The following BCL11A variants were observed in gnomAD, a reference collection of about 807,000 sequenced individuals.
The protein encoded by BCL11A is BCL11 transcription factor A, also known as B cell CLL/lymphoma 11A.
A neutral mutation model predicts 55.9 loss-of-function variants in BCL11A; 2 were observed. That is an observed-to-expected ratio of 0.04 (90% CI 0.01 to 0.11). The LOEUF (loss-of-function observed/expected upper bound fraction) is 0.11. Ranked by LOEUF, BCL11A falls within the 10% of genes least tolerant of loss-of-function variation. The pLI is 1.00. For missense variants in BCL11A, 817 were observed against 1,137.1 expected (o/e 0.72, Z 4.05); for synonymous variants, 465 against 473.4 (o/e 0.98, Z 0.23).
At chr2:60,453,521 C>T (rs994830223), downstream of BCL11A, among the ~76,000 whole-genome samples, 1 of 152,194 alleles carries the variant, frequency 6.6e-6, no homozygotes, top group African/African-American at 2.4e-5. Context: ...GCTGCTCTCA[C>T]GCATCCCACC....
At chr2:60,481,365 CA>C (rs1677947937) in intron 2 of BCL11A, among the ~76,000 whole-genome samples, 2 of 151,152 alleles carry the variant, frequency 1.3e-5, no homozygotes, top group African/African-American at 4.9e-5. Flanking sequence ...ATTCAGAACC[CA>C]GGGCCTTCTC....
intron 2 of BCL11A, among the ~76,000 whole-genome samples, chr2:60,538,743 G>C (rs199796343): frequency 0.11 from 6,212 of 55,022 alleles, 128 homozygotes; most frequent in Middle Eastern, 0.18. Flanking sequence ...CTCTCTCTGT[G>C]TGTGTGTGTG....
chr2:60,453,827 C>A (rs1675822775), downstream of BCL11A, among the ~76,000 whole-genome samples: 1 of 152,184 alleles, frequency 6.6e-6, no homozygotes, highest in African/African-American at 2.4e-5. Flanking sequence ...TCTACCATCC[C>A]TATGAAAGAT....
chr2:60,472,991 G>A (rs1677291411), intron 2 of BCL11A, among the ~76,000 whole-genome samples: 1 of 143,568 alleles, frequency 7.0e-6, no homozygotes, highest in Non-Finnish European at 1.6e-5. Context: ...ACGTGTGTGT[G>A]TGTTTGCAAG....
chr2:60,520,008 T>A (rs1263450032), intron 2 of BCL11A, among the ~76,000 whole-genome samples: 1 of 152,228 alleles, frequency 6.6e-6, no homozygotes, highest in East Asian at 1.9e-4. Flanking sequence ...AATTATTGTA[T>A]CCTCTTCAAA....
chr2:60,474,399 A>T (rs964177083), intron 2 of BCL11A, among the ~76,000 whole-genome samples: 1 of 152,254 alleles, frequency 6.6e-6, no homozygotes, highest in Non-Finnish European at 1.5e-5. Flanking sequence ...TTCCCACTAA[A>T]AGGCAAATCC....
chr2:60,498,526 C>T (rs1679086619), intron 2 of BCL11A, among the ~76,000 whole-genome samples: 3 of 152,208 alleles, frequency 2.0e-5, no homozygotes, highest in Admixed American at 6.5e-5. Flanking sequence ...CTGCCCCATA[C>T]CCACTTCCCT....
chr2:60,467,954 C>CT (rs372489191), intron 3 of BCL11A, among the ~76,000 whole-genome samples: 7 of 7,906 alleles, frequency 8.9e-4, no homozygotes, highest in Admixed American at 1.3e-3. Context: ...GGTGATGGTA[C>CT]TGGTGGTGAT....
At chr2:60,481,393 T>C (rs904290357) in intron 2 of BCL11A, among the ~76,000 whole-genome samples, 4 of 152,160 alleles carry the variant, frequency 2.6e-5, no homozygotes, top group Admixed American at 6.5e-5. Flanking sequence ...TCCCACGACC[T>C]ACACCAGGCC....
intron 2 of BCL11A, among the ~76,000 whole-genome samples, chr2:60,528,830 T>C (rs976303468): frequency 3.0e-4 from 46 of 152,366 alleles, no homozygotes; most frequent in African/African-American, 1.0e-3. Context: ...ACAGCAATTC[T>C]GGAGGTGCAG....
intron 2 of BCL11A, chr2:60,525,802 A>G (rs932734784): frequency 2.6e-5 from 4 of 152,214 alleles, no homozygotes; most frequent in African/African-American, 9.6e-5. Flanking sequence ...TTGGTTCTGG[A>G]AAATCTGTAA....
At chr2:60,471,981 C>T (rs148444065) in intron 2 of BCL11A, among the ~76,000 whole-genome samples, 68 of 152,294 alleles carry the variant, frequency 4.5e-4, no homozygotes, top group Middle Eastern at 3.4e-3. Context: ...GAAGTATGAA[C>T]GCTGGAAGCT....
At chr2:60,452,691 AGGGGG>A, downstream of BCL11A, 20 of 1,567,124 alleles carry the variant, frequency 1.3e-5, no homozygotes, top group Middle Eastern at 1.7e-4. Flanking sequence ...GAGACAGAGG[AGGGGG>A]AAAAAAAAAG....
intron 2 of BCL11A, among the ~76,000 whole-genome samples, chr2:60,486,742 A>G (rs1276175611): frequency 6.6e-6 from 1 of 152,234 alleles, no homozygotes; most frequent in Non-Finnish European, 1.5e-5. Flanking sequence ...GATGGTTGAC[A>G]GAGGTATTAC....
intron 2 of BCL11A, among the ~76,000 whole-genome samples, chr2:60,503,297 A>C (rs1220132500): frequency 6.6e-6 from 1 of 152,144 alleles, no homozygotes; most frequent in East Asian, 1.9e-4. Flanking sequence ...CAAGACAGAA[A>C]AGGCAGGTGG....
chr2:60,541,919 G>T (rs1307985231), intron 2 of BCL11A: 1 of 709,178 alleles, frequency 1.4e-6, no homozygotes. Flanking sequence ...CTCCAGTTCA[G>T]TCTGAGCTAG....
chr2:60,460,852 G>C lies in BCL11A; in HGVS notation c.2060C>G (p.Ser687Trp). The C allele has an allele frequency of 6.2e-7, 1 of 1,613,036 alleles. No individual in the cohort carries two copies. The highest frequency in any genetic ancestry group is 1.7e-5 in the Admixed American group (1 of 60,030). ...GDSRQSPFAS[S>W]SEHSSENGSL... is the part of the protein sequence containing the mutation. ...CCCGTTCTCCGAGGAGTGCTCCGACGAGGAGGCAAAAGGCGATTGTCTGGA... is the reference window on the plus strand; with the variant it reads ...CCCGTTCTCCGAGGAGTGCTCCGACCAGGAGGCAAAAGGCGATTGTCTGGA... The change falls in exon 4 of 4, where the codon TCG becomes TGG. Residue 687 changes from serine (S) to tryptophan (W), a missense_variant. Ser to Trp is a radical substitution (Grantham distance 177). Around this residue, in one of 4 missense-constraint regions of BCL11A, gnomAD observed 379 missense variants for 425.3 expected, o/e 0.89. Transcript: ENST00000642384.
At chr2:60,506,880 T>TGATG (rs1315732131) in intron 2 of BCL11A, among the ~76,000 whole-genome samples, 2 of 152,308 alleles carry the variant, frequency 1.3e-5, no homozygotes, top group Admixed American at 1.3e-4. Flanking sequence ...AATTGCTACC[T>TGATG]GATGGCATTA....
chr2:60,533,976 T>C (rs1669566281), intron 2 of BCL11A: 1 of 152,284 alleles, frequency 6.6e-6, no homozygotes, highest in Non-Finnish European at 1.5e-5. Flanking sequence ...CAATTTATTT[T>C]CTTTCATTAA....
Sources: gnomAD v4.1 joint callset for allele counts (sites outside exome capture counted in the v4.1 genomes callset) on GRCh38, gnomAD v4.1.1 for gene constraint, gnomAD v4.1.1 regional missense constraint, MANE v1.5 for transcripts, NCBI Gene and HGNC (gene_info 2026-07-23, HGNC 2026-07-21) for gene names.